The following FAM91A1 variants were observed in gnomAD, a reference collection of about 807,000 sequenced individuals.
FAM91A1 encodes the protein protein FAM91A1.
A neutral mutation model predicts 113.5 loss-of-function variants in FAM91A1; 41 were observed. The ratio of observed to expected loss-of-function variants is 0.36; its 90% CI spans 0.28 to 0.47. FAM91A1 has a LOEUF of 0.47. Among genes scored for constraint, FAM91A1 ranks in the 20% least tolerant of loss-of-function variants. The pLI, the probability that FAM91A1 is intolerant of heterozygous loss-of-function variation, is 1.00. For missense variants in FAM91A1, 696 were observed against 1,001.2 expected (o/e 0.70, Z 4.11); for synonymous variants, 307 against 347.9 (o/e 0.88, Z 1.31).
intron 8 of FAM91A1, among the ~76,000 whole-genome samples, chr8:123,784,241 G>GAA (rs1187788633): frequency 6.6e-6 from 1 of 152,144 alleles, no homozygotes; most frequent in African/African-American, 2.4e-5. Flanking sequence ...GTAACTCTGA[G>GAA]TTCCATGGTG....
intron 10 of FAM91A1, 126 bp downstream of exon 10, chr8:123,785,245 C>T (rs961601631): frequency 7.3e-6 from 6 of 821,514 alleles, no homozygotes; most frequent in Admixed American, 2.7e-5. Context: ...TCTGAGAGAA[C>T]GTGCACAGTA....
chr8:123,787,708 C>G lies in FAM91A1; in HGVS notation c.1236C>G (p.Leu412=). 2 of 1,612,988 alleles carry G rather than the reference C, an allele frequency of 1.2e-6. No individual in the cohort carries two copies. The highest frequency in any genetic ancestry group is 2.2e-5 in the East Asian group (1 of 44,794). Residue 412 remains leucine (L), a synonymous_variant, in exon 14 of 24, where the codon CTC becomes CTG. Transcript: ENST00000334705. ...TCACAATGTTTGAAGTAGGCAAACT[C>G]TCAGATGAGTCTCTGGACAGCTTTC... ...HAVTMFEVGK[L]SDESLDSFLI...
At chr8:123,803,452 A>C (rs978979946) in intron 18 of FAM91A1, among the ~76,000 whole-genome samples, 15 of 152,036 alleles carry the variant, frequency 9.9e-5, no homozygotes, top group African/African-American at 3.6e-4. Context: ...CTGGGACTAC[A>C]AGCTCACGCC....
At chr8:123,783,512 C>T (rs1224713862) in intron 8 of FAM91A1, among the ~76,000 whole-genome samples, 2 of 152,112 alleles carry the variant, frequency 1.3e-5, no homozygotes, top group African/African-American at 4.8e-5. Flanking sequence ...GATGTATGTA[C>T]ATTGTAGTTT....
intron 3 of FAM91A1, among the ~76,000 whole-genome samples, chr8:123,775,835 TG>T (rs372562999): frequency 6.6e-6 from 1 of 152,126 alleles, no homozygotes; most frequent in East Asian, 1.9e-4. Context: ...CGTGGTGGTG[TG>T]CACCTGTAAT....
At chr8:123,769,979 A>G (rs1312505158) in intron 1 of FAM91A1, among the ~76,000 whole-genome samples, 2 of 68,228 alleles carry the variant, frequency 2.9e-5, no homozygotes, top group African/African-American at 9.7e-5. Context: ...TCTTTGAGAC[A>G]GAGTCTCCTG....
rs769076548 is a variant in FAM91A1, at chr8:123,799,624, A to G, written c.1665A>G (p.Thr555=). 2 of 1,614,130 alleles carry G rather than the reference A, an allele frequency of 1.2e-6. No individual in the cohort carries two copies. Among genetic ancestry groups the G allele is most frequent in the South Asian group, 2.2e-5 (2 of 91,078 alleles). ...GPPSLLLSKG[T]RLRKLPDIFQ... is the part of the protein sequence containing the mutation. ...CATCCCTTTTATTGTCCAAAGGTACAAGACTTCGAAAACTGCCAGATATAT... is the reference window on the plus strand; with the variant it reads ...CATCCCTTTTATTGTCCAAAGGTACGAGACTTCGAAAACTGCCAGATATAT... The change falls in exon 17 of 24, where the codon ACA becomes ACG. Residue 555 remains threonine (T), a synonymous_variant. Transcript: ENST00000334705.
At chr8:123,776,396 C>T (rs772237655) in intron 3 of FAM91A1, among the ~76,000 whole-genome samples, 8 of 152,168 alleles carry the variant, frequency 5.3e-5, no homozygotes, top group Non-Finnish European at 1.0e-4. Flanking sequence ...TTGCTCCCTT[C>T]GTTATCTCCA....
intron 23 of FAM91A1, among the ~76,000 whole-genome samples, chr8:123,811,723 G>A (rs1243735483): frequency 6.6e-6 from 1 of 152,164 alleles, no homozygotes; most frequent in Non-Finnish European, 1.5e-5. Context: ...TAGAGTGCAT[G>A]GGGAAGCATC....
intron 19 of FAM91A1, 82 bp downstream of exon 19, chr8:123,805,421 G>T: frequency 1.7e-6 from 2 of 1,144,152 alleles, no homozygotes. Flanking sequence ...AACATGGCAG[G>T]AAATGAATTC....
intron 9 of FAM91A1, 74 bp from the exon 10 acceptor site, chr8:123,785,007 A>G (rs2130082446): frequency 9.1e-7 from 1 of 1,094,830 alleles, no homozygotes; most frequent in Non-Finnish European, 1.3e-6. Context: ...TTATGATTAT[A>G]TTGGTCTATT....
In FAM91A1 at chr8:123,804,490, T is replaced by TAAAAAAAAA. The variant is rs57808944; in HGVS notation, c.1810-754_1810-746dup. ...TGAGTAACAGAGCAAGACTCTGTTT[T>TAAAAAAAAA]AAAAAAAAAAAAAAAAAAAAAAAAA... On this transcript the variant is annotated intron_variant, in intron 18 of 23. Transcript: ENST00000334705. 2.7e-5 allele frequency among the ~76,000 whole-genome samples: 2 copies of TAAAAAAAAA among 73,834 alleles called. 1 individual carries two copies. Among genetic ancestry groups the TAAAAAAAAA allele is most frequent in the Non-Finnish European group, 5.0e-5 (2 of 39,806 alleles). The allele number at this position is 73,834 out of a possible 152,430, so 48.4% of individuals were successfully genotyped here. A position where few individuals can be genotyped will look rare whatever the true frequency, so the allele number is the denominator to read the frequency against.
intron 16 of FAM91A1, 141 bp from the exon 17 acceptor site, chr8:123,799,379 T>C: frequency 1.3e-6 from 1 of 740,956 alleles, no homozygotes; most frequent in South Asian, 2.4e-5. Context: ...TGAAACTATT[T>C]TAATGAAACA....
chr8:123,808,752 C>T (rs1815875767), intron 21 of FAM91A1, 141 bp from the exon 22 acceptor site: 2 of 781,884 alleles, frequency 2.6e-6, no homozygotes, highest in South Asian at 5.1e-5. Flanking sequence ...TTTCTTCCTC[C>T]CCTGCCAAGC....
intron 15 of FAM91A1, among the ~76,000 whole-genome samples, chr8:123,796,101 A>G (rs11994618): frequency 9.8e-4 from 150 of 152,324 alleles, no homozygotes; most frequent in African/African-American, 3.6e-3. Context: ...CATGTGTTCA[A>G]CACTGAAGGC....
rs766766760 is a variant in FAM91A1 at position 123,786,483 on chromosome 8, C to A, written c.963-12C>A. On this transcript the variant is annotated splice_polypyrimidine_tract_variant and intron_variant, in intron 11 of 23. Transcript: ENST00000334705. ...ATGATTTTTAAAAAGCAAATGCATT[C>A]TTCATTAATAGGAGTACCTTAGATC... 18 of 1,576,100 alleles carry A rather than the reference C, an allele frequency of 1.1e-5. 1 individual carries two copies. The highest frequency in any genetic ancestry group is 4.0e-4 in the Middle Eastern group (2 of 5,052).
chr8:123,780,422 T>A (rs1030390092), intron 7 of FAM91A1, 58 bp from the exon 8 acceptor site: 33 of 1,349,248 alleles, frequency 2.4e-5, no homozygotes, highest in Middle Eastern at 1.8e-4. Flanking sequence ...TTAGTTTTTT[T>A]AAAAAAATCA....
intron 8 of FAM91A1, among the ~76,000 whole-genome samples, chr8:123,781,929 C>T (rs569417740): frequency 1.2e-4 from 18 of 152,070 alleles, no homozygotes; most frequent in Non-Finnish European, 2.2e-4. Context: ...CAGAGGTGGC[C>T]GTGATTTCCT....
intron 23 of FAM91A1, among the ~76,000 whole-genome samples, chr8:123,811,620 T>C (rs1338031705): frequency 1.3e-5 from 2 of 152,070 alleles, no homozygotes; most frequent in East Asian, 1.9e-4. Flanking sequence ...ATGATTCTTA[T>C]GTTTTTTGAT....
Sources: allele counts gnomAD v4.1 joint callset (sites outside exome capture counted in the v4.1 genomes callset), GRCh38; gene constraint gnomAD v4.1.1; transcripts MANE v1.5; gene names NCBI Gene and HGNC (gene_info 2026-07-23, HGNC 2026-07-21).